FRAS1: variants seen among roughly 807,000 people sequenced by gnomAD.
The protein encoded by FRAS1 is extracellular matrix organizing protein FRAS1.
In FRAS1, 290 loss-of-function variants were observed where a neutral mutation model predicts 435.2. The observed-to-expected ratio is 0.67, with a 90% CI of 0.61 to 0.73. The LOEUF (loss-of-function observed/expected upper bound fraction) is 0.73. Among genes scored for constraint, FRAS1 ranks in the 30% least tolerant of loss-of-function variants. The probability of loss-of-function intolerance (pLI) is 0.00; values close to 1 mark genes in which losing one functional copy is unlikely to be tolerated. For missense variants in FRAS1, 4,860 were observed against 5,001.5 expected (o/e 0.97, Z 0.85); for synonymous variants, 1,800 against 1,851.0 (o/e 0.97, Z 0.71).
At position 78,487,825 on chromosome 4, in the gene FRAS1, C is replaced by T. The variant is rs547080970; in HGVS notation, c.8753-1050C>T. On this transcript the variant is annotated intron_variant, in intron 58 of 73. Transcript: ENST00000512123. ...TTTCCAATTTATATATGAAAAATAT[C>T]CCAAAGTTTGGAAAGTCTAAGTAAC... Among the ~76,000 whole-genome samples, 17 of 152,192 alleles carry T rather than the reference C, an allele frequency of 1.1e-4. No individual in the cohort carries two copies. The East Asian group carries it at 2.5e-3, about 22-fold the overall frequency.
rs570638045 is a variant in FRAS1, at chr4:78,505,618, A to G, written c.9317-1803A>G. Among the ~76,000 whole-genome samples, 57 of 152,228 alleles carry G rather than the reference A, an allele frequency of 3.7e-4. 2 individuals carry two copies. Among genetic ancestry groups the G allele is most frequent in the Non-Finnish European group, 4.4e-5 (3 of 68,008 alleles). On this transcript the variant is annotated intron_variant, in intron 61 of 73. Coordinates refer to ENST00000512123, the MANE Select transcript of FRAS1 (RefSeq NM_025074.7). Reference sequence around the variant, plus strand: ...CTTCTCGACACTGTTTATTCTAGTTAGCCATTCGTCTACCCTTTTTTCAAG... The same window carrying G: ...CTTCTCGACACTGTTTATTCTAGTTGGCCATTCGTCTACCCTTTTTTCAAG...
At chr4:78,119,834 C>G (rs761571391) in intron 2 of FRAS1, among the ~76,000 whole-genome samples, 2 of 152,136 alleles carry the variant, frequency 1.3e-5, no homozygotes, top group Non-Finnish European at 2.9e-5. Flanking sequence ...ATGGGAAACT[C>G]CACTTTGGAG....
chr4:78,089,318 T>C (rs1364899526), intron 2 of FRAS1, among the ~76,000 whole-genome samples: 1 of 151,006 alleles, frequency 6.6e-6, no homozygotes, highest in Admixed American at 6.6e-5. Flanking sequence ...TTAGGAGATA[T>C]ACTTAATGCT....
chr4:78,335,730 A>T (rs1467459886), intron 19 of FRAS1, among the ~76,000 whole-genome samples: 1 of 152,128 alleles, frequency 6.6e-6, no homozygotes, highest in Non-Finnish European at 1.5e-5. Flanking sequence ...GCAAAAGGAG[A>T]TGGAGGTATT....
intron 2 of FRAS1, among the ~76,000 whole-genome samples, chr4:78,096,646 C>T (rs983596790): frequency 1.3e-5 from 2 of 152,236 alleles, no homozygotes; most frequent in African/African-American, 4.8e-5. Context: ...GGCTTGCACC[C>T]TCTGAAGCCA....
At chr4:78,317,012 C>T (rs75740091) in intron 16 of FRAS1, among the ~76,000 whole-genome samples, 10,741 of 152,174 alleles carry the variant, frequency 0.071, 618 homozygotes, top group East Asian at 0.27. Context: ...AGCATGTCAC[C>T]GTGGGTAAAT....
At chr4:78,519,259 A>G (rs1721310585) in intron 66 of FRAS1, 72 bp from the exon 67 acceptor site, 8 of 1,346,678 alleles carry the variant, frequency 5.9e-6, no homozygotes, top group Non-Finnish European at 6.9e-6. Context: ...AAATGGAACC[A>G]AGATGTGGTG....
intron 14 of FRAS1, among the ~76,000 whole-genome samples, chr4:78,300,375 T>G (rs779299137): frequency 7.9e-5 from 12 of 152,190 alleles, no homozygotes; most frequent in Non-Finnish European, 1.8e-4. Context: ...TGAGAGACAT[T>G]TGTAAAGCAG....
At chr4:78,531,022 T>A (rs534655666) in intron 70 of FRAS1, among the ~76,000 whole-genome samples, 1 of 152,318 alleles carries the variant, frequency 6.6e-6, no homozygotes, top group South Asian at 2.1e-4. Context: ...CCTTGAGCAG[T>A]GGTTTGTAGT....
rs752066179 is a variant in FRAS1, at chr4:78,448,113, A to C, written c.6071A>C (p.Gln2024Pro). 24 of 1,613,424 alleles carry C rather than the reference A, an allele frequency of 1.5e-5. No homozygotes were observed. Among genetic ancestry groups the C allele is most frequent in the Non-Finnish European group, 9.3e-6 (11 of 1,179,758 alleles). Residue 2024 changes from glutamine to proline, a missense_variant, in exon 44 of 74, where the codon CAG becomes CCG. Physicochemically the swap from Gln to Pro is moderately conservative, Grantham distance 76. Transcript: ENST00000512123. ...EPLENGRVLV[Q>P]GSTFTYQDIL... Reference sequence around the variant, plus strand: ...CTGGAGAATGGGAGAGTTTTAGTCCAGGGCTCAACCTTCACCTACCAGGAT... The same window carrying C: ...CTGGAGAATGGGAGAGTTTTAGTCCCGGGCTCAACCTTCACCTACCAGGAT...
intron 18 of FRAS1, chr4:78,319,353 C>A (rs757858963): frequency 2.2e-6 from 1 of 460,800 alleles, no homozygotes; most frequent in African/African-American, 2.0e-5. Context: ...TGAATTGGTC[C>A]CTTCAGGGCA....
intron 40 of FRAS1, among the ~76,000 whole-genome samples, chr4:78,439,435 A>G (rs956750286): frequency 2.0e-5 from 3 of 152,180 alleles, no homozygotes; most frequent in African/African-American, 7.2e-5. Flanking sequence ...AAATCAAGTC[A>G]GTACTTAGCA....
At chr4:78,208,333 C>A (rs1179233081) in intron 2 of FRAS1, among the ~76,000 whole-genome samples, 1 of 152,118 alleles carries the variant, frequency 6.6e-6, no homozygotes, top group Non-Finnish European at 1.5e-5. Flanking sequence ...ACATAGCCAA[C>A]CCATTAAGAA....
chr4:78,265,087 T>A lies in FRAS1; in HGVS notation c.666T>A (p.Ser222=). 8.7e-6 allele frequency: 14 copies of A among 1,613,192 alleles called. No individual in the cohort carries two copies. The highest frequency in any genetic ancestry group is 8.3e-5 in the Admixed American group (5 of 59,996). Residue 222 remains serine, a synonymous_variant, in exon 7 of 74, where the codon TCT becomes TCA. Coordinates refer to ENST00000512123, the MANE Select transcript of FRAS1 (RefSeq NM_025074.7). ...CCPQCSARSC[S]AAGQVYEHGE... ...CGCAGTGCTCTGCAAGATCCTGCTC[T>A]GCAGCTGGCCAAGTATACGAGGTAA...
At chr4:78,126,076 C>A (rs758997999) in intron 2 of FRAS1, among the ~76,000 whole-genome samples, 6 of 152,166 alleles carry the variant, frequency 3.9e-5, no homozygotes, top group Admixed American at 6.5e-5. Flanking sequence ...ACACTGTGAG[C>A]ATAGAACTGC....
rs776275611 is a variant in FRAS1, at chr4:78,472,336, G to A, written c.7522+6G>A. ...TGCTGCCACTTTCACCCAGGGTGGG[G>A]ACTCTCTGGGAACTTAGAAATGGGA... On this transcript the variant is annotated splice_donor_region_variant and intron_variant, in intron 52 of 73. Transcript: ENST00000512123. The A allele has an allele frequency of 2.4e-5, 38 of 1,594,520 alleles. No individual in the cohort carries two copies. Among genetic ancestry groups the A allele is most frequent in the Non-Finnish European group, 3.1e-5 (36 of 1,168,704 alleles).
intron 14 of FRAS1, among the ~76,000 whole-genome samples, chr4:78,289,475 G>A (rs1034682781): frequency 1.3e-5 from 2 of 152,154 alleles, no homozygotes; most frequent in Non-Finnish European, 2.9e-5. Flanking sequence ...GCACTAGCCT[G>A]TTTTTATATG....
At chr4:78,257,235 C>G (rs1231921874) in intron 6 of FRAS1, among the ~76,000 whole-genome samples, 3 of 152,176 alleles carry the variant, frequency 2.0e-5, no homozygotes, top group Non-Finnish European at 4.4e-5. Flanking sequence ...TCTCAGAAGA[C>G]TATATGTGAC....
At chr4:78,173,437 C>T (rs1247443783) in intron 2 of FRAS1, among the ~76,000 whole-genome samples, 2 of 152,160 alleles carry the variant, frequency 1.3e-5, no homozygotes, top group African/African-American at 2.4e-5. Context: ...TGTCACCTCC[C>T]GGAGGAGGTC....
Sources: gnomAD v4.1 joint callset for allele counts (sites outside exome capture counted in the v4.1 genomes callset) on GRCh38, gnomAD v4.1.1 for gene constraint, MANE v1.5 for transcripts, NCBI Gene and HGNC (gene_info 2026-07-23, HGNC 2026-07-21) for gene names.